The following GLIPR1L2 variants were observed in gnomAD, a reference collection of about 807,000 sequenced individuals.
The protein encoded by GLIPR1L2 is GLIPR1 like 2, also known as GLIPR1-like protein 2.
Under a neutral mutation model 28.4 loss-of-function variants are expected in GLIPR1L2, and 21 were observed. The observed-to-expected ratio is 0.74, with a 90% CI of 0.52 to 1.06. The LOEUF is 1.06. GLIPR1L2 is among the 50% of genes least tolerant of loss of function. GLIPR1L2 has a pLI of 0.00. For missense variants in GLIPR1L2, 476 were observed against 416.9 expected (o/e 1.14, Z -1.23); for synonymous variants, 145 against 139.3 (o/e 1.04, Z -0.29).
chr12:75,407,895 A>G (rs2045820532), intron 1 of GLIPR1L2, among the ~76,000 whole-genome samples: 1 of 152,068 alleles, frequency 6.6e-6, no homozygotes. Context: ...AAAATCATTG[A>G]CACATGTATG....
chr12:75,402,669 C>T (rs2139928522), intron 1 of GLIPR1L2, among the ~76,000 whole-genome samples: 1 of 152,318 alleles, frequency 6.6e-6, no homozygotes, highest in African/African-American at 2.4e-5. Context: ...ACCTTGGGCC[C>T]TGTCCTAAAG....
At chr12:75,406,775 G>T (rs11180490) in intron 1 of GLIPR1L2, among the ~76,000 whole-genome samples, 1 of 118,792 alleles carries the variant, frequency 8.4e-6, no homozygotes, top group Non-Finnish European at 1.7e-5. Context: ...AAAAAAAAAA[G>T]AGAGAGAGAG....
intron 3 of GLIPR1L2, among the ~76,000 whole-genome samples, chr12:75,422,325 A>G (rs2045985269): frequency 1.4e-5 from 2 of 142,718 alleles, no homozygotes; most frequent in Non-Finnish European, 3.0e-5. Context: ...TTTTTTTGAG[A>G]CAGAGTCTCA....
intron 3 of GLIPR1L2, among the ~76,000 whole-genome samples, chr12:75,416,394 TGTG>T (rs2045924095): frequency 7.8e-6 from 1 of 128,468 alleles, no homozygotes; most frequent in South Asian, 2.5e-4. Context: ...TAGATCAGCA[TGTG>T]GGAGAGTGAA....
At chr12:75,426,387 G>A (rs2046034415) in intron 4 of GLIPR1L2, among the ~76,000 whole-genome samples, 1 of 152,216 alleles carries the variant, frequency 6.6e-6, no homozygotes, top group South Asian at 2.1e-4. Flanking sequence ...AGGGAGTGAA[G>A]GTCAGGGAAG....
intron 2 of GLIPR1L2, among the ~76,000 whole-genome samples, 162 bp from the exon 3 acceptor site, chr12:75,413,436 G>A (rs370180556): frequency 6.6e-6 from 1 of 151,752 alleles, no homozygotes; most frequent in African/African-American, 2.4e-5. Context: ...AATGCTGCCC[G>A]AACTCCTTGG....
intron 3 of GLIPR1L2, among the ~76,000 whole-genome samples, chr12:75,422,503 C>T (rs997786883): frequency 4.6e-5 from 7 of 152,066 alleles, no homozygotes; most frequent in Admixed American, 2.0e-4. Context: ...AGGGTTTCAC[C>T]GTGTTAGCCA....
intron 3 of GLIPR1L2, among the ~76,000 whole-genome samples, chr12:75,413,923 T>C (rs769051517): frequency 4.6e-5 from 7 of 152,028 alleles, no homozygotes; most frequent in Non-Finnish European, 1.0e-4. Context: ...TAACCTTCAC[T>C]TTAGTATTAT....
At chr12:75,404,162 G>A (rs2045772010) in intron 1 of GLIPR1L2, among the ~76,000 whole-genome samples, 1 of 151,950 alleles carries the variant, frequency 6.6e-6, no homozygotes, top group Non-Finnish European at 1.5e-5. Flanking sequence ...TTGACTTGTG[G>A]CTAAAATTTT....
intron 1 of GLIPR1L2, among the ~76,000 whole-genome samples, chr12:75,402,480 T>A (rs1352442560): frequency 6.6e-6 from 1 of 152,210 alleles, no homozygotes; most frequent in Admixed American, 6.5e-5. Flanking sequence ...CCTGTTTTAT[T>A]TATCAATATA....
At position 75,430,991 on chromosome 12, in the gene GLIPR1L2, T is replaced by C. The variant is rs2046086277; in HGVS notation, c.865T>C (p.Phe289Leu). 6.5e-7 allele frequency: 1 copy of C among 1,534,534 alleles called. No individual in the cohort carries two copies. Among genetic ancestry groups the C allele is most frequent in the Middle Eastern group, 1.7e-4 (1 of 5,982 alleles). Reference protein sequence around the residue: ...PNILLEQQMIFTPEESEAGNE... With the variant: ...PNILLEQQMILTPEESEAGNE... ...TATCTTGTTGGAACAACAAATGATA[T>C]TTACCCCTGAGGAATCTGAAGCAGG... is the stretch of plus-strand genomic sequence containing the variant. The change falls in exon 6 of 6, where the codon TTT becomes CTT. Residue 289 changes from phenylalanine (F) to leucine (L), a missense_variant. Transcript: ENST00000550916.
At chr12:75,403,075 C>T (rs756910974) in intron 1 of GLIPR1L2, 40 of 457,102 alleles carry the variant, frequency 8.8e-5, no homozygotes, top group Non-Finnish European at 1.6e-4. Flanking sequence ...CCAAACCTCT[C>T]ACCCAGGACT....
rs112542722 is a variant in GLIPR1L2 at position 75,403,037 on chromosome 12, C to G, written c.235-7397C>G. On this transcript the variant is annotated intron_variant, in intron 1 of 5. Transcript: ENST00000550916. The stretch of plus-strand genomic sequence containing the variant: ...AACAGTTATGGTACTGCTGTGACTC[C>G]GATGGTAGCAGATTCATCATTGGAT... 4.2e-3 allele frequency: 1,902 copies of G among 457,106 alleles called. 7 individuals carry two copies. Among genetic ancestry groups the G allele is most frequent in the Non-Finnish European group, 5.6e-3 (1,267 of 227,060 alleles). The allele number at this position is 457,106 out of a possible 1,614,324, so 28.3% of individuals were successfully genotyped here. A position where few individuals can be genotyped will look rare whatever the true frequency, so the allele number is the denominator to read the frequency against.
Position 75,429,938 on chromosome 12 carries a change from C to CTTTTTTTTTTTTT in GLIPR1L2, c.671-773_671-761dup, listed in dbSNP as rs34354324. ...CCTTTTCTTTTCTTTTCTTTTCTTT[C>CTTTTTTTTTTTTT]TTTTTTTTTTTTTTTTGAGACAGAG... On this transcript the variant is annotated intron_variant, in intron 4 of 5. Transcript: ENST00000550916. Among the ~76,000 whole-genome samples, 34 of 128,628 alleles carry CTTTTTTTTTTTTT rather than the reference C, an allele frequency of 2.6e-4. 1 individual carries two copies. Among genetic ancestry groups the CTTTTTTTTTTTTT allele is most frequent in the East Asian group, 6.6e-4 (3 of 4,514 alleles). 84.4% of individuals were successfully genotyped at this position (128,628 alleles called of 152,430 possible).
chr12:75,408,574 T>A (rs1267721358), intron 1 of GLIPR1L2, among the ~76,000 whole-genome samples: 1 of 152,098 alleles, frequency 6.6e-6, no homozygotes, highest in Non-Finnish European at 1.5e-5. Flanking sequence ...CAGGTTGAAG[T>A]GTAGTCCATG....
rs183633353 is a variant in GLIPR1L2, at chr12:75,417,608, A to G, written c.584+3907A>G. ...AGGTGAAGAATAGAGGTCAAAATAT[A>G]TATGAAAAAATAAAGGAAATATGTA... On this transcript the variant is annotated intron_variant, in intron 3 of 5. Transcript: ENST00000550916. Among the ~76,000 whole-genome samples the G allele has an allele frequency of 2.3e-4, 35 of 152,288 alleles. No homozygotes were observed. In the East Asian group the frequency reaches 6.0e-3, roughly 26 times the overall value.
At chr12:75,414,448 A>G (rs2045904857) in intron 3 of GLIPR1L2, among the ~76,000 whole-genome samples, 1 of 152,084 alleles carries the variant, frequency 6.6e-6, no homozygotes, top group African/African-American at 2.4e-5. Context: ...TCTGCCAAAT[A>G]AAATGCTTTG....
At chr12:75,429,390 G>A (rs1038160801) in intron 4 of GLIPR1L2, among the ~76,000 whole-genome samples, 1 of 152,222 alleles carries the variant, frequency 6.6e-6, no homozygotes, top group African/African-American at 2.4e-5. Flanking sequence ...TGGAATGGGA[G>A]CATTTACCCA....
At chr12:75,416,290 A>T (rs1471890487) in intron 3 of GLIPR1L2, among the ~76,000 whole-genome samples, 1 of 152,176 alleles carries the variant, frequency 6.6e-6, no homozygotes. Context: ...TGAATGAATC[A>T]TGAGAAGCAG....
Sources: allele counts gnomAD v4.1 joint callset (sites outside exome capture counted in the v4.1 genomes callset), GRCh38; gene constraint gnomAD v4.1.1; transcripts MANE v1.5; gene names NCBI Gene and HGNC (gene_info 2026-07-23, HGNC 2026-07-21).